FRMPD3: variants seen among roughly 807,000 people sequenced by gnomAD.
The protein encoded by FRMPD3 is FERM and PDZ domain containing 3, also known as FERM and PDZ domain-containing protein 3.
FRMPD3 carries 42 observed loss-of-function variants against 97.9 expected under a neutral mutation model. The ratio of observed to expected loss-of-function variants is 0.43; its 90% confidence interval spans 0.34 to 0.55. The LOEUF (loss-of-function observed/expected upper bound fraction) is 0.55. FRMPD3 is among the 20% of genes least tolerant of loss of function. The pLI is 0.03. For missense variants in FRMPD3, 1,303 were observed against 1,457.7 expected (o/e 0.89, Z 1.73); for synonymous variants, 577 against 581.1 (o/e 0.99, Z 0.10).
intron 1 of FRMPD3, among the ~76,000 whole-genome samples, chrX:107,453,242 C>T (rs888060437): frequency 2.7e-5 from 3 of 111,252 alleles, no homozygotes; most frequent in Non-Finnish European, 3.8e-5. Context: ...AAGACACACA[C>T]CCCTCAGACA....
Position 107,552,869 on chromosome X carries a change from C to A in FRMPD3, c.585C>A (p.Ala195=). ...ACTTTGCTCTTGTCCTTGAGTATGC[C>A]GGGCCAGAACAGAATCACAAGTTTC... ...IEHFALVLEY[A]GPEQNHKFLL... Residue 195 remains alanine, a synonymous_variant, in exon 7 of 15, where the codon GCC becomes GCA. Transcript: ENST00000683843. 1 of 1,209,280 alleles carries A rather than the reference C, an allele frequency of 8.3e-7. No individual in the cohort carries two copies. Among genetic ancestry groups the A allele is most frequent in the Non-Finnish European group, 1.1e-6 (1 of 894,621 alleles).
intron 1 of FRMPD3, among the ~76,000 whole-genome samples, chrX:107,526,343 C>T (rs372042177): frequency 5.4e-5 from 6 of 111,602 alleles, no homozygotes; most frequent in African/African-American, 1.3e-4. Context: ...AGGCTCATGA[C>T]GTCAGTTTCT....
At chrX:107,497,891 G>A (rs778786481) in intron 1 of FRMPD3, among the ~76,000 whole-genome samples, 2 of 111,932 alleles carry the variant, frequency 1.8e-5, no homozygotes, top group African/African-American at 3.3e-5. Flanking sequence ...GGCCCTGCCT[G>A]TGTTTCTGGA....
At position 107,516,593 on chromosome X, in the gene FRMPD3, C is replaced by T. The variant is rs1467518488; in HGVS notation, c.-7-9989C>T. ...CGAACTGGTGTGAGATGGTATCTCA[C>T]TGTGGTTTTGATTTGCATTTCTCTG... On this transcript the variant is annotated intron_variant, in intron 1 of 14. Transcript: ENST00000683843. Among the ~76,000 whole-genome samples the T allele has an allele frequency of 3.2e-4, 36 of 111,691 alleles. 1 individual carries two copies. The highest frequency in any genetic ancestry group is 3.8e-4 in the South Asian group (1 of 2,641).
intron 4 of FRMPD3, among the ~76,000 whole-genome samples, chrX:107,541,300 C>T (rs1381300522): frequency 8.9e-6 from 1 of 112,463 alleles, no homozygotes; most frequent in Non-Finnish European, 1.9e-5. Context: ...CTGAGAGGCT[C>T]CTCATATCAC....
chrX:107,454,458 A>G (rs1394272770), intron 1 of FRMPD3, among the ~76,000 whole-genome samples: 1 of 110,831 alleles, frequency 9.0e-6, no homozygotes, highest in Admixed American at 9.6e-5. Flanking sequence ...TTTCTCAGAG[A>G]TGACTCACTC....
chrX:107,508,380 T>C (rs1024237622), intron 1 of FRMPD3, among the ~76,000 whole-genome samples: 1 of 112,255 alleles, frequency 8.9e-6, no homozygotes, highest in East Asian at 2.8e-4. Context: ...AATGTATTAG[T>C]AGGTGCCTAG....
rs371922832 is a variant in FRMPD3 at position 107,597,663 on chromosome X, G to A, written c.1784G>A (p.Arg595Gln). The A allele has an allele frequency of 1.1e-4, 134 of 1,208,671 alleles. No homozygotes were observed. The Middle Eastern group carries it at 1.1e-3, about 10-fold the overall frequency. ...LDHEPCASRA[R>Q]SYTLDNSLGA... is the part of the protein sequence containing the mutation. Reference sequence around the variant, plus strand: ...CACGAGCCTTGTGCCAGCAGGGCCCGGTCCTACACCTTGGACAATTCCCTT... The same window carrying A: ...CACGAGCCTTGTGCCAGCAGGGCCCAGTCCTACACCTTGGACAATTCCCTT... The change falls in exon 14 of 15, where the codon CGG becomes CAG. Residue 595 changes from arginine (R) to glutamine (Q), a missense_variant. Around this residue, in one of 3 missense-constraint regions of FRMPD3, gnomAD observed 535 missense variants for 618.6 expected, o/e 0.86. Coordinates refer to ENST00000683843, the MANE Select transcript of FRMPD3 (RefSeq NM_001388459.1).
chrX:107,583,366 G>T (rs1923486452), intron 13 of FRMPD3, among the ~76,000 whole-genome samples: 1 of 110,862 alleles, frequency 9.0e-6, no homozygotes, highest in Non-Finnish European at 1.9e-5. Flanking sequence ...CTGTTAGTTT[G>T]CTGAAGATGA....
chrX:107,552,489 GGA>G (rs1274688920), intron 6 of FRMPD3, among the ~76,000 whole-genome samples: 1 of 111,731 alleles, frequency 9.0e-6, no homozygotes. Flanking sequence ...TTGAGTGGAA[GGA>G]GAGAGGTAGG....
intron 1 of FRMPD3, among the ~76,000 whole-genome samples, chrX:107,520,561 G>A (rs2147543018): frequency 9.0e-6 from 1 of 111,371 alleles, no homozygotes; most frequent in Admixed American, 9.5e-5. Flanking sequence ...TGGGGAGGCT[G>A]AGGTGGGAGG....
chrX:107,603,298 G>A lies in FRMPD3; in HGVS notation c.5259G>A (p.Glu1753=). 1 of 1,117,964 alleles carries A rather than the reference G, an allele frequency of 8.9e-7. No homozygotes were observed. The highest frequency in any genetic ancestry group is 2.0e-5 in the South Asian group (1 of 49,253). 92.1% of individuals were successfully genotyped at this position (1,117,964 alleles called of 1,213,427 possible). The change falls in exon 15 of 15, where the codon GAG becomes GAA. Residue 1753 remains glutamate (E), a synonymous_variant. Transcript: ENST00000683843. ...QVAAAAGAAT[E]HPPGSPTSAT... ...CAGCAGCTGCAGGGGCAGCCACAGA[G>A]CATCCACCAGGCTCCCCAACTTCGG...
intron 13 of FRMPD3, among the ~76,000 whole-genome samples, chrX:107,579,549 A>G (rs971737548): frequency 1.8e-5 from 2 of 112,333 alleles, no homozygotes; most frequent in South Asian, 7.4e-4. Context: ...ATACTGACAG[A>G]TGATTAAAAG....
chrX:107,527,537 A>G (rs1281289262), intron 2 of FRMPD3, among the ~76,000 whole-genome samples: 1 of 112,147 alleles, frequency 8.9e-6, no homozygotes, highest in Non-Finnish European at 1.9e-5. Context: ...GGGATGGAAC[A>G]AGCAAAGCCC....
rs745338995 is a variant in FRMPD3 at position 107,602,575 on chromosome X, C to T, written c.4536C>T (p.Gly1512=). 1.7e-6 allele frequency: 2 copies of T among 1,211,541 alleles called. No individual in the cohort carries two copies. Among genetic ancestry groups the T allele is most frequent in the South Asian group, 1.8e-5 (1 of 57,062 alleles). Residue 1512 remains glycine, a synonymous_variant, in exon 15 of 15, where the codon GGC becomes GGT. Coordinates refer to ENST00000683843, the MANE Select transcript of FRMPD3 (RefSeq NM_001388459.1). The part of the protein sequence containing the change: ...KCDMADDASD[G]KDELSYSIPM... ...ACATGGCAGATGATGCCAGTGATGG[C>T]AAGGATGAGCTCTCCTACTCTATCC...
At chrX:107,586,610 A>G (rs1321654708) in intron 13 of FRMPD3, among the ~76,000 whole-genome samples, 2 of 111,505 alleles carry the variant, frequency 1.8e-5, no homozygotes, top group Non-Finnish European at 3.8e-5. Context: ...CCCTCTTAAC[A>G]TTGCTTTAGC....
intron 5 of FRMPD3, among the ~76,000 whole-genome samples, chrX:107,546,666 C>T (rs893189218): frequency 2.7e-5 from 3 of 111,916 alleles, no homozygotes; most frequent in Admixed American, 9.5e-5. Flanking sequence ...GCATTCTGGC[C>T]GAGTCCTTCA....
At chrX:107,471,042 T>C (rs1423636974) in intron 1 of FRMPD3, among the ~76,000 whole-genome samples, 2 of 112,281 alleles carry the variant, frequency 1.8e-5, no homozygotes, top group African/African-American at 6.5e-5. Context: ...AGGAGAAAGC[T>C]AGGATGAGGC....
At chrX:107,452,974 C>T (rs779517490) in intron 1 of FRMPD3, among the ~76,000 whole-genome samples, 1 of 110,651 alleles carries the variant, frequency 9.0e-6, no homozygotes, top group South Asian at 3.9e-4. Context: ...AATTGCCCCA[C>T]CGCAGTAATC....
Sources: allele counts gnomAD v4.1 joint callset (sites outside exome capture counted in the v4.1 genomes callset), GRCh38; gene constraint gnomAD v4.1.1; regional missense constraint gnomAD v4.1.1; transcripts MANE v1.5; gene names NCBI Gene and HGNC (gene_info 2026-07-23, HGNC 2026-07-21).